Variants in RYR3 observed in about 807,000 individuals in gnomAD.
The protein encoded by RYR3 is ryanodine receptor 3.
In RYR3, 207 loss-of-function variants were observed where a neutral mutation model predicts 584.3. That is an observed-to-expected ratio of 0.35 (90% CI 0.32 to 0.40). The LOEUF (loss-of-function observed/expected upper bound fraction) is 0.40. Among genes scored for constraint, RYR3 ranks in the 10% least tolerant of loss-of-function variants. The probability of loss-of-function intolerance (pLI) is 1.00; values close to 1 mark genes in which losing one functional copy is unlikely to be tolerated. For synonymous variants in RYR3, 2,416 were observed against 2,248.5 expected, an observed-to-expected ratio of 1.07 and a Z score of -2.11; for missense variants, 5,616 against 6,089.2, an observed-to-expected ratio of 0.92 and a Z score of 2.59.
chr15:33,805,729 G>A (rs12904771), intron 69 of RYR3, among the ~76,000 whole-genome samples: 16,843 of 151,154 alleles, frequency 0.11, 1,264 homozygotes, highest in East Asian at 0.25. Context: ...CGCCCGCCTC[G>A]GCCTCCCAAA....
intron 88 of RYR3, 120 bp from the exon 89 acceptor site, chr15:33,837,511 C>T (rs992986452): frequency 2.4e-5 from 26 of 1,072,624 alleles, no homozygotes; most frequent in Non-Finnish European, 3.4e-5. Context: ...TACATCATCA[C>T]GGTCAGAGAA....
chr15:33,531,583 A>T (rs2054872392), intron 4 of RYR3, among the ~76,000 whole-genome samples: 1 of 152,030 alleles, frequency 6.6e-6, no homozygotes. Flanking sequence ...GAACTATCAA[A>T]CTGACAACAG....
chr15:33,858,941 A>G (rs1271822748), intron 99 of RYR3: 1 of 152,464 alleles, frequency 6.6e-6, no homozygotes, highest in African/African-American at 2.4e-5. Flanking sequence ...CCTAGCCCCT[A>G]GAGTACTGGC....
In RYR3 at chr15:33,725,160, C is replaced by CACACAA. The variant is rs1318616586; in HGVS notation, c.6912+989_6912+990insAACACA. On this transcript the variant is annotated intron_variant, in intron 45 of 103. Transcript: ENST00000634891. ...CCTCTCTGCTCCAACACCTTACACACACACACACACACACACACACACACA... is the reference window on the plus strand; with the variant it reads ...CCTCTCTGCTCCAACACCTTACACACACACAAACACACACACACACACACACACACA... Among the ~76,000 whole-genome samples the CACACAA allele has an allele frequency of 6.6e-3, 498 of 75,978 alleles. 10 individuals carry two copies. Among genetic ancestry groups the CACACAA allele is most frequent in the Admixed American group, 0.048 (462 of 9,556 alleles). The allele number at this position is 75,978 out of a possible 152,430, so 49.8% of individuals were successfully genotyped here.
intron 1 of RYR3, among the ~76,000 whole-genome samples, chr15:33,423,041 A>G (rs1261524518): frequency 2.0e-5 from 3 of 152,186 alleles, no homozygotes; most frequent in African/African-American, 7.2e-5. Context: ...TTTAATTTTA[A>G]TGGTTAAAAT....
chr15:33,494,101 TA>T (rs891029077), intron 2 of RYR3, among the ~76,000 whole-genome samples: 9 of 78,596 alleles, frequency 1.1e-4, no homozygotes, highest in African/African-American at 7.6e-4. Context: ...TGATTGTGGC[TA>T]TTTTTTTTTT....
intron 70 of RYR3, among the ~76,000 whole-genome samples, chr15:33,809,831 T>C (rs954498981): frequency 2.6e-5 from 4 of 152,192 alleles, no homozygotes; most frequent in African/African-American, 9.7e-5. Context: ...GCAACTTCAC[T>C]GAGTGAACTC....
At chr15:33,354,201 A>G (rs1973658906) in intron 1 of RYR3, among the ~76,000 whole-genome samples, 1 of 152,238 alleles carries the variant, frequency 6.6e-6, no homozygotes, top group South Asian at 2.1e-4. Flanking sequence ...TTTGAGAGGC[A>G]GTCAACCTAC....
At chr15:33,777,243 T>G (rs902759767) in intron 64 of RYR3, among the ~76,000 whole-genome samples, 2 of 152,194 alleles carry the variant, frequency 1.3e-5, no homozygotes, top group Non-Finnish European at 2.9e-5. Flanking sequence ...ATCCTCTGGT[T>G]ATTATGGAGC....
chr15:33,315,180 A>T (rs1285643600), intron 1 of RYR3, among the ~76,000 whole-genome samples: 2 of 152,086 alleles, frequency 1.3e-5, no homozygotes, highest in African/African-American at 2.4e-5. Flanking sequence ...AAATTCCTGA[A>T]TTTGAGCTGC....
intron 2 of RYR3, among the ~76,000 whole-genome samples, chr15:33,501,940 C>A (rs1596387979): frequency 6.6e-6 from 1 of 152,156 alleles, no homozygotes; most frequent in African/African-American, 2.4e-5. Flanking sequence ...TCCTCTGTTA[C>A]AATCTCTTCT....
At chr15:33,810,715 C>G in intron 71 of RYR3, 66 bp downstream of exon 71, 1 of 1,596,320 alleles carries the variant, frequency 6.3e-7, no homozygotes, top group Non-Finnish European at 8.6e-7. Context: ...CATTCAGCCC[C>G]TGAAGGGTTA....
intron 31 of RYR3, 82 bp downstream of exon 31, chr15:33,649,317 A>G (rs2062315903): frequency 7.5e-7 from 1 of 1,334,372 alleles, no homozygotes; most frequent in Non-Finnish European, 1.0e-6. Context: ...CCCCACACCC[A>G]AAGAAGGAAA....
rs1469222098 is a variant in RYR3 at position 33,755,078 on chromosome 15, A to G, written c.8413A>G (p.Met2805Val). The change falls in exon 58 of 104, where the codon ATG becomes GTG. Residue 2805 changes from methionine to valine, a missense_variant. By Grantham distance (21) the Met-to-Val change is conservative (BLOSUM62 1). This residue lies in a region of RYR3 where 1,280 missense variants were observed against 1,426.2 expected (regional missense o/e 0.90). Coordinates refer to ENST00000634891, the MANE Select transcript of RYR3 (RefSeq NM_001036.6). ...TGTCCAACGTAGGGGTATGAAGGATATGGAGCTGGATGCCTCCTCCATGGA... is the reference window on the plus strand; with the variant it reads ...TGTCCAACGTAGGGGTATGAAGGATGTGGAGCTGGATGCCTCCTCCATGGA... Reference protein sequence around the residue: ...GIIVSRGMKDMELDASSMEKR... With the variant: ...GIIVSRGMKDVELDASSMEKR... The G allele has an allele frequency of 6.2e-7, 1 of 1,609,418 alleles. No individual in the cohort carries two copies. The highest frequency in any genetic ancestry group is 1.7e-5 in the Admixed American group (1 of 59,926).
At chr15:33,505,314 T>G (rs1268014514) in intron 3 of RYR3, among the ~76,000 whole-genome samples, 1 of 152,156 alleles carries the variant, frequency 6.6e-6, no homozygotes, top group Non-Finnish European at 1.5e-5. Flanking sequence ...TCTTTTGATT[T>G]ATAGCAGTAT....
At chr15:33,789,986 C>CTTTTTTTTTTTTTTTTTTTTTTTTTT (rs757370991) in intron 67 of RYR3, among the ~76,000 whole-genome samples, 3 of 53,256 alleles carry the variant, frequency 5.6e-5, no homozygotes, top group African/African-American at 3.2e-4. Context: ...GCCTGGCCTT[C>CTTTTTTTTTTTTTTTTTTTTTTTTTT]TTTTTTTTTT....
Position 33,731,638 on chromosome 15 carries a change from T to A in RYR3, c.7368T>A (p.Arg2456=). ...LQTIYRLSKG[R]SLTKAQRDTI... is the part of the protein sequence containing the mutation. The stretch of plus-strand genomic sequence containing the variant: ...CAATATACAGGCTATCCAAGGGACG[T>A]TCCCTCACCAAAGCACAAAGGGACA... Residue 2456 remains arginine (R), a synonymous_variant, in exon 48 of 104, where the codon CGT becomes CGA. Transcript: ENST00000634891. The A allele has an allele frequency of 6.2e-7, 1 of 1,613,874 alleles. No individual in the cohort carries two copies. The highest frequency in any genetic ancestry group is 8.5e-7 in the Non-Finnish European group (1 of 1,179,748).
intron 1 of RYR3, among the ~76,000 whole-genome samples, chr15:33,432,658 G>A (rs1033087191): frequency 1.7e-5 from 2 of 118,986 alleles, no homozygotes; most frequent in Non-Finnish European, 3.4e-5. Flanking sequence ...CCACGACCAC[G>A]CCTAGCTAAT....
At chr15:33,544,606 A>C (rs2056098531) in intron 8 of RYR3, among the ~76,000 whole-genome samples, 1 of 152,134 alleles carries the variant, frequency 6.6e-6, no homozygotes, top group Non-Finnish European at 1.5e-5. Context: ...TCCATCAGGG[A>C]CCATTTCCTA....
Sources: allele counts gnomAD v4.1 joint callset (sites outside exome capture counted in the v4.1 genomes callset), GRCh38; gene constraint gnomAD v4.1.1; regional missense constraint gnomAD v4.1.1; transcripts MANE v1.5; gene names NCBI Gene and HGNC (gene_info 2026-07-23, HGNC 2026-07-21).